Variants in GPHN observed in about 807,000 individuals in gnomAD.
GPHN encodes the protein gephyrin.
GPHN carries 17 observed loss-of-function variants against 95.5 expected under a neutral mutation model. That is an observed-to-expected ratio of 0.18 (90% CI 0.12 to 0.27). The LOEUF (loss-of-function observed/expected upper bound fraction) is 0.27, where lower values mean the gene tolerates loss of function less well. GPHN is among the 10% of genes least tolerant of loss of function. The probability of loss-of-function intolerance (pLI) is 1.00; values close to 1 mark genes in which losing one functional copy is unlikely to be tolerated. For synonymous variants in GPHN, 320 were observed against 322.5 expected (o/e 0.99, Z 0.08); for missense variants, 660 against 978.1 (o/e 0.67, Z 4.34).
the GPHN span, among the ~76,000 whole-genome samples, chr14:67,371,681 A>G: frequency 6.6e-6 from 1 of 152,202 alleles, no homozygotes; most frequent in Non-Finnish European, 1.5e-5. Context: ...AAACACAGAA[A>G]AGATACAGTA....
intron 11 of GPHN, among the ~76,000 whole-genome samples, chr14:67,082,076 T>C (rs941095044): frequency 6.6e-6 from 1 of 152,192 alleles, no homozygotes; most frequent in Non-Finnish European, 1.5e-5. Context: ...GCTTTGGCTG[T>C]GTGGGCTCCT....
chr14:67,020,857 A>G (rs558238180), intron 9 of GPHN, among the ~76,000 whole-genome samples: 1 of 152,234 alleles, frequency 6.6e-6, no homozygotes, highest in African/African-American at 2.4e-5. Context: ...GACAAATTTA[A>G]CGTTAGGCCA....
At chr14:66,717,185 C>T (rs2070262225) in intron 2 of GPHN, among the ~76,000 whole-genome samples, 1 of 152,226 alleles carries the variant, frequency 6.6e-6, no homozygotes, top group Non-Finnish European at 1.5e-5. Context: ...AGGCTTTGTT[C>T]ATATTGTCTT....
At chr14:66,839,374 T>C (rs1399553053) in intron 4 of GPHN, among the ~76,000 whole-genome samples, 1 of 152,204 alleles carries the variant, frequency 6.6e-6, no homozygotes, top group Non-Finnish European at 1.5e-5. Context: ...TTAAGTGTCT[T>C]ACCCCTCAGC....
chr14:67,718,609 G>C, the GPHN span, among the ~76,000 whole-genome samples: 1 of 152,228 alleles, frequency 6.6e-6, no homozygotes, highest in Admixed American at 6.5e-5. Context: ...CAAAGGTGTT[G>C]CAAGTGATGA....
the GPHN span, chr14:67,691,222 C>T: frequency 6.2e-7 from 1 of 1,613,840 alleles, no homozygotes; most frequent in Non-Finnish European, 8.5e-7. Flanking sequence ...CATTGTTGAT[C>T]AAAACGTGGA....
the GPHN span, among the ~76,000 whole-genome samples, chr14:67,543,079 C>A: frequency 6.6e-6 from 1 of 152,154 alleles, no homozygotes; most frequent in South Asian, 2.1e-4. Flanking sequence ...AGAGTGAAGA[C>A]CTGCACTTAA....
chr14:66,778,357 T>G (rs2059464872), intron 3 of GPHN, among the ~76,000 whole-genome samples: 1 of 152,208 alleles, frequency 6.6e-6, no homozygotes. Context: ...TGGGTTCCTT[T>G]GAAAACACGA....
chr14:66,567,867 A>G (rs1255697187), intron 1 of GPHN, among the ~76,000 whole-genome samples: 1 of 152,170 alleles, frequency 6.6e-6, no homozygotes, highest in Non-Finnish European at 1.5e-5. Flanking sequence ...AAGTGCTGCA[A>G]GATCTATAAA....
At chr14:67,647,952 C>A in the GPHN span, 1 of 1,255,606 alleles carries the variant, frequency 8.0e-7, no homozygotes. Context: ...CTAATAGCAA[C>A]AAAATCAAGG....
intron 18 of GPHN, among the ~76,000 whole-genome samples, chr14:67,156,822 T>C (rs2081614075): frequency 6.6e-6 from 1 of 151,886 alleles, no homozygotes; most frequent in South Asian, 2.1e-4. Context: ...ATACAAAAAT[T>C]AGCTGGGTGT....
chr14:66,926,891 C>T (rs763459225), intron 8 of GPHN, among the ~76,000 whole-genome samples: 8 of 152,086 alleles, frequency 5.3e-5, no homozygotes, highest in Non-Finnish European at 8.8e-5. Flanking sequence ...AATGTCTTTC[C>T]TTTTTGTGTG....
chr14:67,309,671 C>T, the GPHN span, among the ~76,000 whole-genome samples: 1 of 152,264 alleles, frequency 6.6e-6, no homozygotes, highest in African/African-American at 2.4e-5. Flanking sequence ...GATATTCCCT[C>T]CTCACGGGTC....
chr14:67,237,116 A>T, the GPHN span, among the ~76,000 whole-genome samples: 12 of 151,632 alleles, frequency 7.9e-5, no homozygotes, highest in African/African-American at 2.7e-4. Context: ...TTATATATAT[A>T]TATTTATTTA....
intron 4 of GPHN, among the ~76,000 whole-genome samples, chr14:66,831,597 T>C (rs1295782942): frequency 6.6e-6 from 1 of 152,184 alleles, no homozygotes; most frequent in Non-Finnish European, 1.5e-5. Context: ...TAGAGTCAGA[T>C]TCCTAAATTT....
intron 3 of GPHN, among the ~76,000 whole-genome samples, chr14:66,807,864 A>G (rs1169646586): frequency 6.6e-6 from 1 of 152,232 alleles, no homozygotes; most frequent in African/African-American, 2.4e-5. Flanking sequence ...TAGTGCACAT[A>G]TGTATGCATT....
chr14:67,284,684 A>G, the GPHN span, among the ~76,000 whole-genome samples: 2 of 150,964 alleles, frequency 1.3e-5, no homozygotes, highest in African/African-American at 4.9e-5. Context: ...ACAACCACGA[A>G]TATACTTTCT....
At chr14:67,036,901 A>T (rs1191226017) in intron 10 of GPHN, among the ~76,000 whole-genome samples, 1 of 151,968 alleles carries the variant, frequency 6.6e-6, no homozygotes, top group Non-Finnish European at 1.5e-5. Context: ...TCAAAATACC[A>T]CTGACATTTT....
chr14:66,925,222 T>C (rs1050905084), intron 8 of GPHN, among the ~76,000 whole-genome samples: 1 of 152,196 alleles, frequency 6.6e-6, no homozygotes, highest in Non-Finnish European at 1.5e-5. Flanking sequence ...AATAATCACA[T>C]CAGGGTAAAT....
Sources: gnomAD v4.1 joint callset for allele counts (sites outside exome capture counted in the v4.1 genomes callset) on GRCh38, gnomAD v4.1.1 for gene constraint, MANE v1.5 for transcripts, NCBI Gene and HGNC (gene_info 2026-07-23, HGNC 2026-07-21) for gene names.